HNRNPC: variants seen among roughly 807,000 people sequenced by gnomAD.
The protein encoded by HNRNPC is heterogeneous nuclear ribonucleoprotein C.
Under a neutral mutation model 33.2 loss-of-function variants are expected in HNRNPC, and 3 were observed. That is an observed-to-expected ratio of 0.09 (90% CI 0.04 to 0.23). The LOEUF (loss-of-function observed/expected upper bound fraction) is 0.23. Among genes scored for constraint, HNRNPC ranks in the 10% least tolerant of loss-of-function variants. The probability of loss-of-function intolerance (pLI) is 1.00; values close to 1 mark genes in which losing one functional copy is unlikely to be tolerated. For missense variants in HNRNPC, 143 were observed against 366.7 expected, an observed-to-expected ratio of 0.39 and a Z score of 4.98; for synonymous variants, 121 against 126.7, an observed-to-expected ratio of 0.96 and a Z score of 0.30.
At chr14:21,258,903 A>G (rs1212383220) in intron 2 of HNRNPC, among the ~76,000 whole-genome samples, 1 of 152,294 alleles carries the variant, frequency 6.6e-6, no homozygotes, top group East Asian at 1.9e-4. Flanking sequence ...GCCTACTCTA[A>G]TAGGTCTCCA....
intron 5 of HNRNPC, among the ~76,000 whole-genome samples, chr14:21,229,325 T>C (rs1040151670): frequency 1.4e-5 from 2 of 147,044 alleles, no homozygotes; most frequent in Admixed American, 7.0e-5. Context: ...GAGCCAAGAT[T>C]GCGCCACTGC....
At chr14:21,254,950 A>G (rs774651839) in intron 2 of HNRNPC, among the ~76,000 whole-genome samples, 5 of 152,016 alleles carry the variant, frequency 3.3e-5, no homozygotes, top group Admixed American at 6.6e-5. Context: ...AAAAACCAGA[A>G]AAACTCCATT....
At chr14:21,233,877 G>C in intron 3 of HNRNPC, 76 bp downstream of exon 3, 5 of 1,538,932 alleles carry the variant, frequency 3.2e-6, no homozygotes, top group Non-Finnish European at 4.4e-6. Context: ...CAGTTTTACA[G>C]ACATAAAGAC....
At chr14:21,218,085 C>T (rs1052508499) in intron 5 of HNRNPC, among the ~76,000 whole-genome samples, 3 of 152,172 alleles carry the variant, frequency 2.0e-5, no homozygotes, top group Non-Finnish European at 2.9e-5. Flanking sequence ...GCCTCAGTCT[C>T]CCAAGTAGCG....
At chr14:21,230,191 G>T (rs1893955386) in intron 5 of HNRNPC, 128 bp downstream of exon 5, 1 of 558,158 alleles carries the variant, frequency 1.8e-6, no homozygotes. Flanking sequence ...AGAAAAAGGT[G>T]TTTTTTTGTT....
intron 5 of HNRNPC, among the ~76,000 whole-genome samples, chr14:21,220,200 T>C (rs762741066): frequency 6.6e-6 from 1 of 151,906 alleles, no homozygotes; most frequent in Non-Finnish European, 1.5e-5. Context: ...CGTGATGTCT[T>C]TAACCCAACC....
chr14:21,264,336 A>G (rs1435802689), intron 1 of HNRNPC: 1 of 152,234 alleles, frequency 6.6e-6, no homozygotes, highest in Admixed American at 6.5e-5. Flanking sequence ...ATCAAACCAC[A>G]AGACCTAATA....
At chr14:21,229,715 C>A (rs913127908) in intron 5 of HNRNPC, among the ~76,000 whole-genome samples, 1 of 152,108 alleles carries the variant, frequency 6.6e-6, no homozygotes, top group African/African-American at 2.4e-5. Context: ...ATTTTTATTC[C>A]AAAATCAGAC....
At chr14:21,242,203 G>T (rs1161306071) in intron 2 of HNRNPC, among the ~76,000 whole-genome samples, 2 of 152,230 alleles carry the variant, frequency 1.3e-5, no homozygotes, top group African/African-American at 4.8e-5. Context: ...TAAGGTGTGG[G>T]GCCAGGCAAG....
At chr14:21,249,847 G>C (rs12434268) in intron 2 of HNRNPC, among the ~76,000 whole-genome samples, 1 of 152,090 alleles carries the variant, frequency 6.6e-6, no homozygotes, top group Non-Finnish European at 1.5e-5. Flanking sequence ...AAAGGTTCCA[G>C]AATCTGTAAG....
intron 5 of HNRNPC, among the ~76,000 whole-genome samples, chr14:21,222,815 A>T (rs1329115642): frequency 1.3e-5 from 2 of 152,092 alleles, no homozygotes; most frequent in Non-Finnish European, 2.9e-5. Flanking sequence ...AATGGCGTGA[A>T]CCAGGGAGGC....
At chr14:21,225,757 TACCATAAAATTC>T (rs1893350587) in intron 5 of HNRNPC, among the ~76,000 whole-genome samples, 1 of 152,148 alleles carries the variant, frequency 6.6e-6, no homozygotes. Context: ...GTCATTCACA[TACCATAAAATTC>T]ACCATTTAAA....
intron 5 of HNRNPC, among the ~76,000 whole-genome samples, chr14:21,224,491 A>G (rs1036504582): frequency 2.0e-4 from 31 of 152,156 alleles, no homozygotes; most frequent in Non-Finnish European, 5.9e-5. Flanking sequence ...TCACGAAGAC[A>G]AAATCTCAGC....
chr14:21,216,568 G>C (rs1892214647), intron 5 of HNRNPC, among the ~76,000 whole-genome samples: 2 of 152,178 alleles, frequency 1.3e-5, no homozygotes, highest in South Asian at 2.1e-4. Context: ...AATTATCCAG[G>C]TGTGGTGGCA....
chr14:21,254,531 G>A (rs35229066), intron 2 of HNRNPC: 25,339 of 152,118 alleles, frequency 0.17, 2,366 homozygotes, highest in Middle Eastern at 0.29. Flanking sequence ...TCAAAGGTAA[G>A]ATAAAGATGA....
intron 4 of HNRNPC, chr14:21,230,681 T>A: frequency 2.1e-6 from 1 of 482,018 alleles, no homozygotes; most frequent in South Asian, 3.5e-5. Flanking sequence ...TCTTACTCTC[T>A]AGTGTCTTAG....
At chr14:21,269,131 C>T (rs1457384492) in intron 1 of HNRNPC, among the ~76,000 whole-genome samples, 167 bp downstream of exon 1, 1 of 152,094 alleles carries the variant, frequency 6.6e-6, no homozygotes, top group Non-Finnish European at 1.5e-5. Context: ...TATACAGAGG[C>T]TGAGGCCTAT....
At chr14:21,261,154 T>C (rs760289561) in intron 2 of HNRNPC, among the ~76,000 whole-genome samples, 3 of 152,064 alleles carry the variant, frequency 2.0e-5, no homozygotes, top group Non-Finnish European at 4.4e-5. Context: ...CATGCTTCTA[T>C]AGGATATGTG....
At chr14:21,237,783 ATT>A (rs1168898234) in intron 2 of HNRNPC, among the ~76,000 whole-genome samples, 2 of 151,242 alleles carry the variant, frequency 1.3e-5, no homozygotes, top group African/African-American at 2.4e-5. Flanking sequence ...TTTTTTTTTA[ATT>A]TTTTTGAGTT....
Sources: allele counts gnomAD v4.1 joint callset (sites outside exome capture counted in the v4.1 genomes callset), GRCh38; gene constraint gnomAD v4.1.1; transcripts MANE v1.5; gene names NCBI Gene and HGNC (gene_info 2026-07-23, HGNC 2026-07-21).